The following FBXL18 variants were observed in gnomAD, a reference collection of about 807,000 sequenced individuals.
The protein encoded by FBXL18 is F-box and leucine rich repeat protein 18.
Under a neutral mutation model 46.0 loss-of-function variants are expected in FBXL18, and 36 were observed. The observed-to-expected ratio is 0.78, with a 90% confidence interval of 0.60 to 1.03. The LOEUF (loss-of-function observed/expected upper bound fraction) is 1.03, where lower values mean the gene tolerates loss of function less well. FBXL18 is among the 50% of genes least tolerant of loss of function. The probability of loss-of-function intolerance (pLI) is 0.00; values close to 1 mark genes in which losing one functional copy is unlikely to be tolerated. For missense variants in FBXL18, 977 were observed against 1,004.1 expected, an observed-to-expected ratio of 0.97 and a Z score of 0.36; for synonymous variants, 557 against 465.3, an observed-to-expected ratio of 1.20 and a Z score of -2.54.
chr7:5,474,703 T>A (rs1401757622), downstream of FBXL18, among the ~76,000 whole-genome samples: 1 of 147,968 alleles, frequency 6.8e-6, no homozygotes, highest in East Asian at 2.1e-4. Context: ...TATTTATTTA[T>A]TTATTTATTT....
intron 2 of FBXL18, among the ~76,000 whole-genome samples, chr7:5,503,966 C>CAA (rs61075870): frequency 1.7e-4 from 20 of 116,154 alleles, no homozygotes; most frequent in African/African-American, 5.5e-4. Context: ...GACCTCGTTT[C>CAA]AAAAAAAAAA....
intron 4 of FBXL18, among the ~76,000 whole-genome samples, chr7:5,482,470 C>T (rs914562611): frequency 5.3e-5 from 8 of 152,228 alleles, no homozygotes; most frequent in African/African-American, 1.9e-4. Flanking sequence ...CACGTTTGAC[C>T]GCATGACAAA....
chr7:5,469,447 C>T (rs1209061689), intron 4 of FBXL18, among the ~76,000 whole-genome samples: 1 of 152,094 alleles, frequency 6.6e-6, no homozygotes, highest in Non-Finnish European at 1.5e-5. Flanking sequence ...GTTATGTGAG[C>T]ATGTGTGTGC....
intron 4 of FBXL18, among the ~76,000 whole-genome samples, chr7:5,461,890 G>A (rs1317428653): frequency 2.6e-5 from 4 of 152,150 alleles, no homozygotes; most frequent in Admixed American, 1.3e-4. Context: ...GCAGTGAGCC[G>A]AGATCATGCC....
At position 5,501,765 on chromosome 7, in the gene FBXL18, G is replaced by C. The variant is rs1171854934; in HGVS notation, c.504C>G (p.Ala168=). 4 of 1,559,216 alleles carry C rather than the reference G, an allele frequency of 2.6e-6. No homozygotes were observed. In the East Asian group the frequency reaches 9.6e-5, roughly 37 times the overall value. Residue 168 remains alanine (A), a synonymous_variant, in exon 3 of 5, where the codon GCC becomes GCG. Transcript: ENST00000382368. The stretch of plus-strand genomic sequence containing the variant: ...TGAGCTCCCGCACGCGGCTCAGGGT[G>C]GCCTTGCACTCGCTGCTCAGCTGGC... The part of the protein sequence containing the change: ...DASQLSSECK[A]TLSRVRELKQ...
At chr7:5,468,628 C>T (rs112642558) in intron 4 of FBXL18, among the ~76,000 whole-genome samples, 4 of 152,042 alleles carry the variant, frequency 2.6e-5, no homozygotes, top group African/African-American at 7.2e-5. Context: ...ATTGAGACAG[C>T]GTCTTACTCT....
At position 5,468,136 on chromosome 7, in the gene FBXL18, C is replaced by A. The variant is rs942567262; in HGVS notation, c.2001-20293G>T. Among the ~76,000 whole-genome samples the A allele has an allele frequency of 1.3e-5, 2 of 152,158 alleles. 1 individual carries two copies. The highest frequency in any genetic ancestry group is 4.1e-4 in the South Asian group (2 of 4,826). ...TAGCTGGGACTACAGGCGCCCGCCA[C>A]CACACCCAGCTAATTTTTCTGTATT... On this transcript the variant is annotated intron_variant and NMD_transcript_variant, in intron 4 of 6. Transcript: ENST00000415009.
chr7:5,465,556 C>A (rs1053985552), intron 4 of FBXL18, among the ~76,000 whole-genome samples: 3 of 152,042 alleles, frequency 2.0e-5, no homozygotes, highest in Admixed American at 2.0e-4. Context: ...CTCACGGCAG[C>A]TTTGAACTCC....
At chr7:5,489,606 T>TAA (rs1283768581) in intron 4 of FBXL18, 85 of 177,034 alleles carry the variant, frequency 4.8e-4, no homozygotes, top group South Asian at 1.1e-3. Context: ...CCGTCTCTAC[T>TAA]AAAAAAAAAA....
chr7:5,505,089 A>G (rs1474190390), intron 2 of FBXL18, among the ~76,000 whole-genome samples: 1 of 151,844 alleles, frequency 6.6e-6, no homozygotes, highest in East Asian at 1.9e-4. Context: ...TTAACTTTAC[A>G]ACAAACAAGA....
chr7:5,507,606 C>T (rs113302171), intron 1 of FBXL18, among the ~76,000 whole-genome samples: 2 of 151,404 alleles, frequency 1.3e-5, no homozygotes, highest in African/African-American at 2.4e-5. Flanking sequence ...GAGGCCGAGG[C>T]GGGGAAATCA....
At chr7:5,461,746 G>C (rs1783248943) in intron 4 of FBXL18, among the ~76,000 whole-genome samples, 1 of 152,072 alleles carries the variant, frequency 6.6e-6, no homozygotes, top group Non-Finnish European at 1.5e-5. Context: ...TTTGAGACCA[G>C]CCTGGCCAAT....
intron 3 of FBXL18, among the ~76,000 whole-genome samples, chr7:5,491,775 C>T (rs185533489): frequency 1.3e-5 from 2 of 152,310 alleles, no homozygotes; most frequent in Admixed American, 1.3e-4. Context: ...CAATGACCCC[C>T]AGGCACCCTA....
chr7:5,512,241 T>C (rs1258758556), intron 1 of FBXL18, among the ~76,000 whole-genome samples: 3 of 126,308 alleles, frequency 2.4e-5, no homozygotes, highest in African/African-American at 8.9e-5. Flanking sequence ...CGAGACTCCG[T>C]CTCAAAAAAA....
At chr7:5,466,058 T>C (rs1783336093) in intron 4 of FBXL18, among the ~76,000 whole-genome samples, 1 of 151,944 alleles carries the variant, frequency 6.6e-6, no homozygotes, top group African/African-American at 2.4e-5. Context: ...CCTCAGGTGA[T>C]CTGCCTGCCT....
chr7:5,484,238 C>G (rs924230769), intron 4 of FBXL18, among the ~76,000 whole-genome samples: 2 of 152,046 alleles, frequency 1.3e-5, no homozygotes, highest in African/African-American at 4.8e-5. Context: ...GAGGCCAAGG[C>G]GGGTGGATCA....
intron 2 of FBXL18, among the ~76,000 whole-genome samples, 185 bp from the exon 3 acceptor site, chr7:5,502,216 G>A (rs990891703): frequency 2.0e-5 from 3 of 152,224 alleles, no homozygotes; most frequent in Non-Finnish European, 4.4e-5. Context: ...AAGTGGGACT[G>A]GTAGAGGGGT....
In FBXL18 at chr7:5,455,062, G is replaced by A. The variant is rs529520766; in HGVS notation, c.2001-7219C>T. On this transcript the variant is annotated intron_variant and NMD_transcript_variant, in intron 4 of 6. Transcript: ENST00000415009. The surrounding 1 kb of genome is among the most constrained non-coding windows in gnomAD (Gnocchi z 4.6). ...CACTCCGAGTGCCACCTTCCACGCC[G>A]TCACTTTAGGAGTTTGCTGTGAGGT... is the stretch of plus-strand genomic sequence containing the variant. Among the ~76,000 whole-genome samples the A allele has an allele frequency of 1.1e-4, 17 of 152,142 alleles. No individual in the cohort carries two copies. Among genetic ancestry groups the A allele is most frequent in the African/African-American group, 1.2e-4 (5 of 41,440 alleles).
At chr7:5,471,081 G>A (rs1377742750), downstream of FBXL18, among the ~76,000 whole-genome samples, 2 of 152,200 alleles carry the variant, frequency 1.3e-5, no homozygotes, top group African/African-American at 2.4e-5. Flanking sequence ...CGGGCGCCCC[G>A]ACTTCATCTG....
Sources: gnomAD v4.1 joint callset for allele counts (sites outside exome capture counted in the v4.1 genomes callset) on GRCh38, gnomAD v4.1.1 for gene constraint, Gnocchi (gnomAD v3.1) non-coding constraint, MANE v1.5 for transcripts, NCBI Gene and HGNC (gene_info 2026-07-23, HGNC 2026-07-21) for gene names.